Variants in USP25 observed in about 807,000 individuals in gnomAD.
USP25 encodes ubiquitin specific peptidase 25, also known as ubiquitin carboxyl-terminal hydrolase 25.
A neutral mutation model predicts 158.5 loss-of-function variants in USP25; 85 were observed. That is an observed-to-expected ratio of 0.54 (90% CI 0.45 to 0.64). USP25 has a LOEUF of 0.64. USP25 is among the 30% of genes least tolerant of loss of function. The pLI is 0.00. For synonymous variants in USP25, 464 were observed against 460.4 expected, an observed-to-expected ratio of 1.01 and a Z score of -0.10; for missense variants, 1,242 against 1,327.3, an observed-to-expected ratio of 0.94 and a Z score of 1.00.
chr21:15,819,875 A>G (rs1045205549), intron 10 of USP25, among the ~76,000 whole-genome samples: 8 of 152,028 alleles, frequency 5.3e-5, no homozygotes, highest in Admixed American at 3.3e-4. Context: ...CCACATACAT[A>G]AACAAACAAA....
chr21:15,739,613 T>C (rs1162640118), intron 1 of USP25, among the ~76,000 whole-genome samples: 1 of 152,170 alleles, frequency 6.6e-6, no homozygotes, highest in African/African-American at 2.4e-5. Context: ...CTGATGTGCT[T>C]AGAGTAAGGT....
intron 20 of USP25, among the ~76,000 whole-genome samples, chr21:15,855,898 A>G (rs1476260444): frequency 6.6e-6 from 1 of 152,088 alleles, no homozygotes; most frequent in Non-Finnish European, 1.5e-5. Flanking sequence ...GCCTTTATAC[A>G]CTTGGCATCT....
chr21:15,775,530 A>T (rs906446155), intron 3 of USP25, among the ~76,000 whole-genome samples: 1 of 152,142 alleles, frequency 6.6e-6, no homozygotes, highest in African/African-American at 2.4e-5. Flanking sequence ...ACATACTTCT[A>T]TAGCTGCAGC....
chr21:15,815,099 G>A (rs2036868679), intron 9 of USP25, among the ~76,000 whole-genome samples: 1 of 152,216 alleles, frequency 6.6e-6, no homozygotes, highest in Admixed American at 6.5e-5. Flanking sequence ...GGGCCAAGGT[G>A]TAGCTCGGCC....
In USP25 at chr21:15,817,723, T is replaced by C. The variant is rs111541078; in HGVS notation, c.932-975T>C. Among the ~76,000 whole-genome samples the C allele has an allele frequency of 2.1e-3, 314 of 152,160 alleles. 1 individual carries two copies. Among genetic ancestry groups the C allele is most frequent in the Middle Eastern group, 0.014 (4 of 294 alleles). ...GCCAAGCCAAAGGGGAAACCCCTTA[T>C]AAAACCATCACATCTCATGAGGCAT... On this transcript the variant is annotated intron_variant, in intron 9 of 25. Coordinates refer to ENST00000400183, the MANE Select transcript of USP25 (RefSeq NM_001283041.3).
Position 15,875,784 on chromosome 21 carries a change from G to C in USP25, c.3009+1258G>C, listed in dbSNP as rs573287301. On this transcript the variant is annotated intron_variant, in intron 24 of 25. Transcript: ENST00000400183. This position sits in a 1 kb window ranked among gnomAD's most constrained non-coding sequence, Gnocchi z 4.7. Reference sequence around the variant, plus strand: ...AGTGATGAAGCTGACAATACTTGTCGATGTCAGATGATGAAGAAACTTAGA... The same window carrying C: ...AGTGATGAAGCTGACAATACTTGTCCATGTCAGATGATGAAGAAACTTAGA... 2.6e-5 allele frequency among the ~76,000 whole-genome samples: 4 copies of C among 152,168 alleles called. No homozygotes were observed. Among genetic ancestry groups the C allele is most frequent in the African/African-American group, 9.7e-5 (4 of 41,432 alleles).
intron 5 of USP25, 118 bp from the exon 6 acceptor site, chr21:15,799,639 A>G (rs886769520): frequency 3.3e-5 from 18 of 549,290 alleles, no homozygotes; most frequent in East Asian, 2.1e-4. Flanking sequence ...GCCAGTTGCA[A>G]TGATTCTGAG....
chr21:15,878,366 A>G lies in USP25; in HGVS notation c.3269A>G (p.Lys1090Arg). The part of the protein sequence containing the change: ...PKLLDCSMEI[K>R]SFHEPPKLPS... ...CTGCTTGATTGTTCTATGGAGATTA[A>G]AAGTTTCCATGAGCCACCGAAGTTA... is the stretch of plus-strand genomic sequence containing the variant. Residue 1090 changes from lysine (K) to arginine (R), a missense_variant, in exon 26 of 26, where the codon AAA becomes AGA. This residue lies in a region of USP25 where 608 missense variants were observed against 605.2 expected (regional missense o/e 1.00). Transcript: ENST00000400183. The G allele has an allele frequency of 1.9e-6, 3 of 1,614,070 alleles. No homozygotes were observed. In the South Asian group the frequency reaches 3.3e-5, roughly 18 times the overall value.
chr21:15,799,041 T>G (rs1334539535), intron 5 of USP25, among the ~76,000 whole-genome samples: 1 of 151,138 alleles, frequency 6.6e-6, no homozygotes, highest in African/African-American at 2.4e-5. Context: ...ACAATGAAAA[T>G]TTTGCAAGAA....
At chr21:15,779,214 A>G (rs904084990) in intron 4 of USP25, among the ~76,000 whole-genome samples, 34 of 152,042 alleles carry the variant, frequency 2.2e-4, no homozygotes, top group Non-Finnish European at 4.1e-4. Context: ...ATGAAAACCA[A>G]AAAATACGTA....
intron 1 of USP25, among the ~76,000 whole-genome samples, chr21:15,738,850 T>C (rs2031768994): frequency 6.6e-6 from 1 of 152,186 alleles, no homozygotes; most frequent in Non-Finnish European, 1.5e-5. Flanking sequence ...ATCTATAGAT[T>C]ACAGACATTG....
chr21:15,759,554 A>G (rs999333594), intron 1 of USP25, among the ~76,000 whole-genome samples: 3 of 152,234 alleles, frequency 2.0e-5, no homozygotes, highest in African/African-American at 7.2e-5. Context: ...GTAGATTTGA[A>G]TATATTCTGA....
At position 15,827,065 on chromosome 21, in the gene USP25, C is replaced by T. The variant is rs1481400699; in HGVS notation, c.1555C>T (p.His519Tyr). ...TGCCATTTCATCGAGATCAGTAATA[C>T]ACAAACCATTTACTCAGTCCCGGAT... ...VAAISSRSVI[H>Y]KPFTQSRIPP... Residue 519 changes from histidine to tyrosine, a missense_variant, in exon 14 of 26, where the codon CAC becomes TAC. Physicochemically the swap from His to Tyr is moderately conservative, Grantham distance 83. Transcript: ENST00000400183. 2 of 1,614,178 alleles carry T rather than the reference C, an allele frequency of 1.2e-6. No homozygotes were observed. Among genetic ancestry groups the T allele is most frequent in the African/African-American group, 1.3e-5 (1 of 75,044 alleles).
chr21:15,835,936 G>A (rs1181788499), intron 17 of USP25, among the ~76,000 whole-genome samples: 1 of 152,136 alleles, frequency 6.6e-6, no homozygotes, highest in Non-Finnish European at 1.5e-5. Flanking sequence ...TATCATAATT[G>A]AATAAGACTA....
chr21:15,828,879 C>T lies in USP25; in HGVS notation c.1694-1652C>T, dbSNP rs770610127. Among the ~76,000 whole-genome samples the T allele has an allele frequency of 6.2e-4, 94 of 152,214 alleles. 2 individuals are homozygous for T. The highest frequency in any genetic ancestry group is 4.0e-4 in the Non-Finnish European group (27 of 68,004). On this transcript the variant is annotated intron_variant, in intron 14 of 25. Transcript: ENST00000400183. ...GTCTCAATCTCTTGACCTTGTTATC[C>T]GCCCACCTCAGCCTCCCAAAGTGCT...
chr21:15,860,882 A>G (rs1362418272), intron 20 of USP25, among the ~76,000 whole-genome samples: 1 of 151,228 alleles, frequency 6.6e-6, no homozygotes, highest in African/African-American at 2.4e-5. Context: ...ATTAGATTTA[A>G]CTGCCTCCAG....
chr21:15,805,482 A>G (rs1382423327), intron 7 of USP25: 4 of 353,276 alleles, frequency 1.1e-5, no homozygotes, highest in Non-Finnish European at 1.5e-5. Context: ...AAAACGATGG[A>G]TACAATTAAG....
chr21:15,731,394 A>C (rs1472432893), intron 1 of USP25, among the ~76,000 whole-genome samples: 2 of 152,186 alleles, frequency 1.3e-5, no homozygotes, highest in Non-Finnish European at 2.9e-5. Flanking sequence ...TACTGTGATC[A>C]ACCACCAGAG....
Position 15,878,272 on chromosome 21 carries a change from TTTAG to T in USP25, c.3206-26_3206-23del, listed in dbSNP as rs1421238115. ...CAATGATCGTGTAATAATTTCTATC[TTTAG>T]TTAGATTTAATTGTTTGTATTTGCA... is the stretch of plus-strand genomic sequence containing the variant. On this transcript the variant is annotated intron_variant, in intron 25 of 25. Coordinates refer to ENST00000400183, the MANE Select transcript of USP25 (RefSeq NM_001283041.3). 3 of 1,593,706 alleles carry T rather than the reference TTTAG, an allele frequency of 1.9e-6. No homozygotes were observed. The African/African-American group carries it at 4.0e-5, about 22-fold the overall frequency.
Sources: allele counts gnomAD v4.1 joint callset (sites outside exome capture counted in the v4.1 genomes callset), GRCh38; gene constraint gnomAD v4.1.1; regional missense constraint gnomAD v4.1.1; non-coding constraint Gnocchi (gnomAD v3.1); transcripts MANE v1.5; gene names NCBI Gene and HGNC (gene_info 2026-07-23, HGNC 2026-07-21).